Variants in CERT1 observed in about 807,000 individuals in gnomAD.
The protein encoded by CERT1 is ceramide transfer protein.
A neutral mutation model predicts 87.9 loss-of-function variants in CERT1; 31 were observed. The ratio of observed to expected loss-of-function variants is 0.35; its 90% CI spans 0.27 to 0.48. The LOEUF is 0.48. CERT1 is among the 20% of genes least tolerant of loss of function. The pLI is 0.99. For synonymous variants in CERT1, 289 were observed against 250.9 expected (o/e 1.15, Z -1.44); for missense variants, 487 against 758.0 (o/e 0.64, Z 4.20).
At chr5:75,412,954 T>C (rs1561244729) in intron 7 of CERT1, among the ~76,000 whole-genome samples, 1 of 152,232 alleles carries the variant, frequency 6.6e-6, no homozygotes. Context: ...TTTTACTTTA[T>C]AAACTTTTTA....
At position 75,499,615 on chromosome 5, in the gene CERT1, T is replaced by C. The variant is rs950788831; in HGVS notation, c.231+6367A>G. ...TCTCAGGTATTTCTTCACAGCAGTA[T>C]GAGAATGGACTAATACACACAGTTA... On this transcript the variant is annotated intron_variant, in intron 2 of 16. Transcript: ENST00000643780. Among the ~76,000 whole-genome samples the C allele has an allele frequency of 3.3e-5, 5 of 152,312 alleles. No homozygotes were observed. The South Asian group carries it at 1.0e-3, about 32-fold the overall frequency.
At chr5:75,424,587 A>G (rs1174397352) in intron 5 of CERT1, among the ~76,000 whole-genome samples, 1 of 151,848 alleles carries the variant, frequency 6.6e-6, no homozygotes, top group Non-Finnish European at 1.5e-5. Flanking sequence ...AAAAAGAAAG[A>G]AAAAGAGAGA....
At chr5:75,502,192 AATT>A (rs1379443918) in intron 2 of CERT1, among the ~76,000 whole-genome samples, 3 of 152,148 alleles carry the variant, frequency 2.0e-5, no homozygotes, top group African/African-American at 7.2e-5. Context: ...ATGGGCTATA[AATT>A]ATTAAGTTAC....
intron 8 of CERT1, among the ~76,000 whole-genome samples, chr5:75,409,701 A>AT (rs994104410): frequency 2.0e-5 from 3 of 151,470 alleles, no homozygotes; most frequent in Non-Finnish European, 4.4e-5. Context: ...TAATTTTTGC[A>AT]TTTTTTTAGT....
At chr5:75,432,476 A>G (rs1206964611) in intron 3 of CERT1, among the ~76,000 whole-genome samples, 1 of 152,202 alleles carries the variant, frequency 6.6e-6, no homozygotes, top group African/African-American at 2.4e-5. Flanking sequence ...GATGTTGAAC[A>G]CTTTTTCACA....
chr5:75,470,310 T>G (rs1293069607), intron 2 of CERT1, among the ~76,000 whole-genome samples: 1 of 152,164 alleles, frequency 6.6e-6, no homozygotes, highest in Non-Finnish European at 1.5e-5. Flanking sequence ...AAACAAATCT[T>G]AACAAATTTA....
chr5:75,498,670 T>C (rs1271003376), intron 2 of CERT1, among the ~76,000 whole-genome samples: 2 of 152,304 alleles, frequency 1.3e-5, no homozygotes, highest in African/African-American at 4.8e-5. Flanking sequence ...AGAGGATGTA[T>C]GGAAACACCT....
chr5:75,509,775 C>T (rs1321567665), intron 1 of CERT1, among the ~76,000 whole-genome samples: 3 of 152,146 alleles, frequency 2.0e-5, no homozygotes, highest in Non-Finnish European at 4.4e-5. Flanking sequence ...GCAAGTAACC[C>T]ACTTCCTATT....
intron 3 of CERT1, among the ~76,000 whole-genome samples, chr5:75,438,119 T>TAA (rs1475770246): frequency 5.3e-5 from 8 of 152,290 alleles, no homozygotes; most frequent in African/African-American, 1.7e-4. Context: ...CTCATTATAT[T>TAA]AAAGGAAGAG....
chr5:75,486,078 G>A (rs1766510115), intron 2 of CERT1, among the ~76,000 whole-genome samples: 1 of 152,000 alleles, frequency 6.6e-6, no homozygotes, highest in Non-Finnish European at 1.5e-5. Flanking sequence ...CAATATCCCT[G>A]GCGAACATTG....
At chr5:75,438,589 C>G (rs889220725) in intron 3 of CERT1, among the ~76,000 whole-genome samples, 2 of 152,090 alleles carry the variant, frequency 1.3e-5, no homozygotes, top group Non-Finnish European at 2.9e-5. Flanking sequence ...AGAAGGTGAA[C>G]TCATTTACAA....
intron 2 of CERT1, among the ~76,000 whole-genome samples, chr5:75,476,792 T>C (rs1334333794): frequency 6.6e-6 from 1 of 152,212 alleles, no homozygotes; most frequent in Non-Finnish European, 1.5e-5. Flanking sequence ...GGTTTTTCTT[T>C]TCCATGCATA....
chr5:75,403,627 A>C (rs1387082344), intron 8 of CERT1, among the ~76,000 whole-genome samples: 3 of 152,236 alleles, frequency 2.0e-5, no homozygotes, highest in Non-Finnish European at 4.4e-5. Flanking sequence ...AAGTACGGCT[A>C]GGCATTCAGA....
intron 7 of CERT1, 136 bp downstream of exon 7, chr5:75,416,740 C>T (rs988009741): frequency 3.6e-5 from 23 of 643,784 alleles, no homozygotes; most frequent in Admixed American, 6.8e-5. Flanking sequence ...GCCCATAAAG[C>T]TTCAGAGTAG....
At chr5:75,379,859 A>G (rs1761492971) in intron 16 of CERT1, among the ~76,000 whole-genome samples, 2 of 152,308 alleles carry the variant, frequency 1.3e-5, no homozygotes, top group Non-Finnish European at 2.9e-5. Flanking sequence ...CTGGGATTAC[A>G]GGCTGAGTCA....
At chr5:75,450,082 A>G (rs1764714252) in intron 3 of CERT1, among the ~76,000 whole-genome samples, 1 of 152,192 alleles carries the variant, frequency 6.6e-6, no homozygotes, top group South Asian at 2.1e-4. Flanking sequence ...AGACAGAAGA[A>G]CCCACCTGAA....
At chr5:75,489,240 A>C (rs1223156953) in intron 2 of CERT1, among the ~76,000 whole-genome samples, 3 of 152,242 alleles carry the variant, frequency 2.0e-5, no homozygotes, top group Non-Finnish European at 4.4e-5. Context: ...TTATACAAAA[A>C]TTAACTTAAG....
chr5:75,426,753 C>A (rs971973405), intron 3 of CERT1, among the ~76,000 whole-genome samples: 2 of 152,024 alleles, frequency 1.3e-5, no homozygotes, highest in Admixed American at 6.6e-5. Flanking sequence ...AGACAGAAAG[C>A]AGAATAGTTG....
chr5:75,399,331 A>G lies in CERT1; in HGVS notation c.1167T>C (p.Asp389=), dbSNP rs761740784. 1 of 1,612,952 alleles carries G rather than the reference A, an allele frequency of 6.2e-7. No individual in the cohort carries two copies. Among genetic ancestry groups the G allele is most frequent in the East Asian group, 2.2e-5 (1 of 44,862 alleles). Residue 389 remains aspartate, a synonymous_variant, in exon 11 of 17, where the codon GAT becomes GAC. Coordinates refer to ENST00000643780, the MANE Select transcript of CERT1 (RefSeq NM_001379029.1). ...GTACCTGGGAGCTGAATCTGTGAAC[A>G]TCATCAGAGGCACTGACTAGATCAA... ...SSIDLVSASD[D]VHRFSSQVEE...
Sources: gnomAD v4.1 joint callset for allele counts (sites outside exome capture counted in the v4.1 genomes callset) on GRCh38, gnomAD v4.1.1 for gene constraint, MANE v1.5 for transcripts, NCBI Gene and HGNC (gene_info 2026-07-23, HGNC 2026-07-21) for gene names.